CFAP53: variants seen among roughly 807,000 people sequenced by gnomAD.
CFAP53 encodes cilia- and flagella-associated protein 53.
CFAP53 carries 62 observed loss-of-function variants against 59.7 expected under a neutral mutation model. The ratio of observed to expected loss-of-function variants is 1.04; its 90% confidence interval spans 0.85 to 1.28. The LOEUF is 1.28. CFAP53 is among the 50% of genes most tolerant of loss of function. The probability of loss-of-function intolerance (pLI) is 0.00; values close to 1 mark genes in which losing one functional copy is unlikely to be tolerated. For missense variants in CFAP53, 629 were observed against 615.6 expected (o/e 1.02, Z -0.23); for synonymous variants, 218 against 205.7 (o/e 1.06, Z -0.51).
In CFAP53 at chr18:50,266,470, G is replaced by T; in HGVS notation, c.-66C>A. On this transcript the variant is annotated 5_prime_UTR_variant, in exon 1 of 8. Coordinates refer to ENST00000398545, the MANE Select transcript of CFAP53 (RefSeq NM_145020.5). ...TTCCCCCAACCGTGGCGACCTGCGGGACCCGCTTCCGCGACGCAGAAGTCT... is the reference window on the plus strand; with the variant it reads ...TTCCCCCAACCGTGGCGACCTGCGGTACCCGCTTCCGCGACGCAGAAGTCT... The T allele has an allele frequency of 2.0e-6, 3 of 1,511,476 alleles. No homozygotes were observed. The highest frequency in any genetic ancestry group is 1.1e-5 in the South Asian group (1 of 89,024). 93.6% of individuals were successfully genotyped at this position (1,511,476 alleles called of 1,614,324 possible).
chr18:50,263,119 A>AAATG, intron 1 of CFAP53, among the ~76,000 whole-genome samples: 2 of 152,350 alleles, frequency 1.3e-5, no homozygotes, highest in South Asian at 4.1e-4. Flanking sequence ...TCCTCAATAG[A>AAATG]AATGAATGAA....
At chr18:50,238,730 T>C (rs767393451) in intron 6 of CFAP53, 25 bp from the exon 7 acceptor site, 3 of 1,547,664 alleles carry the variant, frequency 1.9e-6, no homozygotes, top group Admixed American at 3.4e-5. Context: ...AGTAATTATA[T>C]GTCAAATGAC....
intron 3 of CFAP53, among the ~76,000 whole-genome samples, chr18:50,259,573 A>C (rs1194238241): frequency 1.3e-5 from 2 of 151,820 alleles, no homozygotes; most frequent in African/African-American, 4.8e-5. Flanking sequence ...GTCAATAATT[A>C]CAGGCGTGTG....
chr18:50,246,386 T>C (rs936625532), intron 5 of CFAP53, among the ~76,000 whole-genome samples: 1 of 152,212 alleles, frequency 6.6e-6, no homozygotes, highest in Admixed American at 6.5e-5. Flanking sequence ...ATTAGAGAAT[T>C]ATTTCAACAA....
chr18:50,261,015 T>G, intron 3 of CFAP53, 49 bp downstream of exon 3: 1 of 1,558,362 alleles, frequency 6.4e-7, no homozygotes, highest in South Asian at 1.2e-5. Context: ...TAAATCTATT[T>G]TAATGTACCA....
chr18:50,261,096 A>C lies in CFAP53; in HGVS notation c.441T>G (p.Asp147Glu). The change falls in exon 3 of 8, where the codon GAT (aspartate) becomes GAG (glutamate). Residue 147 changes from aspartate (D) to glutamate (E), a missense_variant. Coordinates refer to ENST00000398545, the MANE Select transcript of CFAP53 (RefSeq NM_145020.5). ...GCTGGTCTAGCTTTTCAGCCACAAA[A>C]TCCTGCCTCTCTTTTTCATTCTTCT... ...LKEKNEKERQ[D>E]FVAEKLDQQF... 6.3e-7 allele frequency: 1 copy of C among 1,599,498 alleles called. No individual in the cohort carries two copies. The highest frequency in any genetic ancestry group is 8.5e-7 in the Non-Finnish European group (1 of 1,176,554).
intron 5 of CFAP53, among the ~76,000 whole-genome samples, chr18:50,244,689 C>T (rs1239589831): frequency 1.3e-5 from 2 of 152,078 alleles, no homozygotes; most frequent in Admixed American, 1.3e-4. Context: ...TGACAGCCCA[C>T]TTGAAGGGAC....
At chr18:50,265,269 A>T (rs1465761619) in intron 1 of CFAP53, among the ~76,000 whole-genome samples, 1 of 152,228 alleles carries the variant, frequency 6.6e-6, no homozygotes, top group East Asian at 1.9e-4. Flanking sequence ...GACCTCATGT[A>T]AGGGGTCACA....
intron 1 of CFAP53, among the ~76,000 whole-genome samples, chr18:50,264,727 A>G (rs2144440358): frequency 6.6e-6 from 1 of 152,334 alleles, no homozygotes; most frequent in South Asian, 2.1e-4. Flanking sequence ...TCTTAGGTGC[A>G]AAGTATTCAA....
At chr18:50,262,289 C>T in intron 1 of CFAP53, 70 bp from the exon 2 acceptor site, 1 of 1,299,288 alleles carries the variant, frequency 7.7e-7, no homozygotes, top group South Asian at 1.2e-5. Context: ...ATTAGTTATG[C>T]TCTCAATCAA....
intron 1 of CFAP53, among the ~76,000 whole-genome samples, chr18:50,262,738 ATGTG>A (rs1283727484): frequency 3.9e-5 from 6 of 152,140 alleles, no homozygotes; most frequent in East Asian, 1.9e-4. Flanking sequence ...ATACATGTAT[ATGTG>A]TGTGTGTATA....
intron 3 of CFAP53, among the ~76,000 whole-genome samples, chr18:50,259,780 C>A (rs2033875127): frequency 6.6e-6 from 1 of 152,136 alleles, no homozygotes; most frequent in Non-Finnish European, 1.5e-5. Flanking sequence ...GTTGCCCAGG[C>A]TGGTCTCAAA....
At chr18:50,241,221 A>G (rs1422518183) in intron 6 of CFAP53, among the ~76,000 whole-genome samples, 1 of 152,216 alleles carries the variant, frequency 6.6e-6, no homozygotes, top group East Asian at 1.9e-4. Flanking sequence ...TTATGAAAGA[A>G]ATACCTAGTA....
In CFAP53 at chr18:50,250,749, A is replaced by C; in HGVS notation, c.996+9T>G. 6.2e-7 allele frequency: 1 copy of C among 1,610,806 alleles called. No individual in the cohort carries two copies. Among genetic ancestry groups the C allele is most frequent in the Non-Finnish European group, 8.5e-7 (1 of 1,177,202 alleles). ...CCAGCAGGTAGCAGGCACCAAAAAA[A>C]TGTCTTACTCTTTTTTGTTTCTTTT... is the stretch of plus-strand genomic sequence containing the variant. On this transcript the variant is annotated intron_variant, in intron 5 of 7. Coordinates refer to ENST00000398545, the MANE Select transcript of CFAP53 (RefSeq NM_145020.5).
intron 5 of CFAP53, among the ~76,000 whole-genome samples, chr18:50,247,370 GT>G (rs1310504349): frequency 6.6e-6 from 1 of 152,136 alleles, no homozygotes; most frequent in Admixed American, 6.5e-5. Flanking sequence ...ATGTAAAATG[GT>G]TCAGCCACTT....
At chr18:50,254,735 A>T (rs2033832113) in intron 3 of CFAP53, among the ~76,000 whole-genome samples, 1 of 152,206 alleles carries the variant, frequency 6.6e-6, no homozygotes, top group Non-Finnish European at 1.5e-5. Context: ...CTAAAAATAC[A>T]AAAAATTAGC....
intron 7 of CFAP53, among the ~76,000 whole-genome samples, chr18:50,228,710 G>A (rs2033550828): frequency 6.6e-6 from 1 of 152,130 alleles, no homozygotes; most frequent in Non-Finnish European, 1.5e-5. Context: ...AGAATCACTT[G>A]AACCCAGGAG....
At chr18:50,243,775 C>T (rs1481371680) in intron 5 of CFAP53, among the ~76,000 whole-genome samples, 1 of 151,982 alleles carries the variant, frequency 6.6e-6, no homozygotes, top group Admixed American at 6.6e-5. Context: ...CATGGTGAAA[C>T]CCCGTCTCTA....
Position 50,245,121 on chromosome 18 carries a change from G to A in CFAP53, c.997-2005C>T, listed in dbSNP as rs1253376025. On this transcript the variant is annotated intron_variant, in intron 5 of 7. Transcript: ENST00000398545. ...AATAAGGCTGGGCGCGGTGGCTCAC[G>A]CCTGTAATCCCAGCACTTTGGGAGG... is the stretch of plus-strand genomic sequence containing the variant. Among the ~76,000 whole-genome samples the A allele has an allele frequency of 2.0e-5, 3 of 149,908 alleles. No individual in the cohort carries two copies. In the South Asian group the frequency reaches 6.3e-4, roughly 32 times the overall value.
Sources: gnomAD v4.1 joint callset for allele counts (sites outside exome capture counted in the v4.1 genomes callset) on GRCh38, gnomAD v4.1.1 for gene constraint, MANE v1.5 for transcripts, NCBI Gene and HGNC (gene_info 2026-07-23, HGNC 2026-07-21) for gene names.